AIG1: variants seen among roughly 807,000 people sequenced by gnomAD.
AIG1 encodes androgen induced 1, also known as androgen-induced gene 1 protein.
In AIG1, 23 loss-of-function variants were observed where a neutral mutation model predicts 31.4. The ratio of observed to expected loss-of-function variants is 0.73; its 90% confidence interval spans 0.53 to 1.04. The LOEUF (loss-of-function observed/expected upper bound fraction) is 1.04, where lower values mean the gene tolerates loss of function less well. Ranked by LOEUF, AIG1 falls within the 50% of genes least tolerant of loss-of-function variation. The pLI, the probability that AIG1 is intolerant of heterozygous loss-of-function variation, is 0.00. For synonymous variants in AIG1, 100 were observed against 110.5 expected, an observed-to-expected ratio of 0.90 and a Z score of 0.60; for missense variants, 274 against 295.0, an observed-to-expected ratio of 0.93 and a Z score of 0.52.
At position 143,339,905 on chromosome 6, in the gene AIG1, T is replaced by C. The variant is rs1201195502; in HGVS notation, c.*229T>C. ...AAAGAATTCTTCCCAAAGTCATTAC[T>C]GATAATAACATTTTTTCCTTTTCTA... is the stretch of plus-strand genomic sequence containing the variant. On this transcript the variant is annotated 3_prime_UTR_variant, in exon 6 of 6. Coordinates refer to ENST00000357847, the MANE Select transcript of AIG1 (RefSeq NM_016108.4). 2.5e-5 allele frequency: 9 copies of C among 366,522 alleles called. No individual in the cohort carries two copies. The highest frequency in any genetic ancestry group is 4.3e-5 in the Non-Finnish European group (9 of 208,144). 22.7% of individuals were successfully genotyped at this position (366,522 alleles called of 1,614,324 possible). A position where few individuals can be genotyped will look rare whatever the true frequency, so the allele number is the denominator to read the frequency against.
intron 3 of AIG1, among the ~76,000 whole-genome samples, chr6:143,237,837 C>T (rs573025695): frequency 3.3e-5 from 5 of 152,280 alleles, no homozygotes; most frequent in Non-Finnish European, 7.4e-5. Context: ...AGCTTGAAAA[C>T]GTAGAAGTCT....
chr6:143,315,880 G>C (rs1463569382), intron 4 of AIG1, among the ~76,000 whole-genome samples: 1 of 151,906 alleles, frequency 6.6e-6, no homozygotes, highest in African/African-American at 2.4e-5. Flanking sequence ...CTCAAAATAT[G>C]ATAAAACTAA....
chr6:143,060,332 C>A (rs117041948), upstream of AIG1, among the ~76,000 whole-genome samples: 3,618 of 152,332 alleles, frequency 0.024, 61 homozygotes, highest in Non-Finnish European at 0.034. Flanking sequence ...CTCGGGTTTA[C>A]ACCCCACGTT....
At chr6:143,136,757 C>T (rs1402160510) in intron 1 of AIG1, 78 bp from the exon 2 acceptor site, 2 of 1,226,672 alleles carry the variant, frequency 1.6e-6, no homozygotes, top group Non-Finnish European at 2.1e-6. Context: ...TCATGTTGTA[C>T]ACCAGCAGCT....
chr6:143,282,657 C>T (rs1271159422), intron 3 of AIG1, among the ~76,000 whole-genome samples: 1 of 152,192 alleles, frequency 6.6e-6, no homozygotes, highest in African/African-American at 2.4e-5. Flanking sequence ...CAGAATGCCA[C>T]ACTCTAATTA....
intron 3 of AIG1, chr6:143,186,944 T>A (rs1327624299): frequency 5.5e-6 from 1 of 180,694 alleles, no homozygotes; most frequent in Middle Eastern, 2.5e-3. Context: ...ATACCGTGCC[T>A]GCCACACAGT....
At chr6:143,221,020 A>G (rs968337520) in intron 3 of AIG1, among the ~76,000 whole-genome samples, 1 of 151,694 alleles carries the variant, frequency 6.6e-6, no homozygotes, top group Non-Finnish European at 1.5e-5. Flanking sequence ...TTGTTGTTTA[A>G]CCGATTTGCA....
intron 3 of AIG1, among the ~76,000 whole-genome samples, chr6:143,201,854 C>A (rs149346924): frequency 1.6e-3 from 247 of 152,278 alleles, no homozygotes; most frequent in African/African-American, 3.5e-3. Flanking sequence ...CTAGTTCCAC[C>A]TCAGGAACTA....
At chr6:143,168,485 C>G (rs1000285940) in intron 3 of AIG1, among the ~76,000 whole-genome samples, 1 of 150,452 alleles carries the variant, frequency 6.6e-6, no homozygotes, top group Admixed American at 6.7e-5. Context: ...TCAATTCCCA[C>G]CTATGAGTGA....
chr6:143,188,001 A>G (rs1789426023), intron 3 of AIG1: 2 of 1,142,398 alleles, frequency 1.8e-6, no homozygotes, highest in Admixed American at 4.5e-5. Context: ...GGTAATGGAG[A>G]ACTTTGGCAT....
intron 1 of AIG1, among the ~76,000 whole-genome samples, chr6:143,126,660 A>G (rs1782709872): frequency 6.6e-6 from 1 of 152,140 alleles, no homozygotes; most frequent in South Asian, 2.1e-4. Flanking sequence ...TCCAGCAAGA[A>G]CTGCATTGAA....
chr6:143,154,380 A>C (rs977210720), intron 2 of AIG1, among the ~76,000 whole-genome samples: 1 of 152,202 alleles, frequency 6.6e-6, no homozygotes, highest in Admixed American at 6.5e-5. Flanking sequence ...TAATAGTCTC[A>C]AAATGATGAA....
chr6:143,118,707 C>T (rs1781962797), intron 1 of AIG1, among the ~76,000 whole-genome samples: 1 of 152,080 alleles, frequency 6.6e-6, no homozygotes, highest in Admixed American at 6.5e-5. Context: ...AAAGACTTAT[C>T]ATTTATGTTG....
rs1037124504 is a variant in AIG1, at chr6:143,328,003, C to T, written c.516-5279C>T. On this transcript the variant is annotated intron_variant, in intron 4 of 5. Coordinates refer to ENST00000357847, the MANE Select transcript of AIG1 (RefSeq NM_016108.4). The surrounding 1 kb of genome is among the most constrained non-coding windows in gnomAD (Gnocchi z 4.0). ...CTGTGTATAAGTAGTGAACATGATG[C>T]CATAGCCATGAATGAACTCATCAAC... 6.6e-6 allele frequency among the ~76,000 whole-genome samples: 1 copy of T among 152,064 alleles called. No homozygotes were observed. Among genetic ancestry groups the T allele is most frequent in the Non-Finnish European group, 1.5e-5 (1 of 68,010 alleles).
Position 143,298,624 on chromosome 6 carries a change from C to A in AIG1, c.515+14399C>A, listed in dbSNP as rs1026126996. On this transcript the variant is annotated intron_variant, in intron 4 of 5. Transcript: ENST00000357847. This position sits in a 1 kb window ranked among gnomAD's most constrained non-coding sequence, Gnocchi z 5.1. The stretch of plus-strand genomic sequence containing the variant: ...CCAGGAGTTCAAAACCCAGCCTGGA[C>A]AACATAGCAAGCTAATAGTCCCAGC... 9 of 152,236 alleles carry A rather than the reference C, an allele frequency of 5.9e-5. 1 individual carries two copies. Among genetic ancestry groups the A allele is most frequent in the African/African-American group, 1.4e-4 (6 of 41,434 alleles). 9.4% of individuals were successfully genotyped at this position (152,236 alleles called of 1,614,324 possible).
downstream of AIG1, chr6:143,342,674 A>G (rs1384830214): frequency 3.3e-6 from 4 of 1,222,010 alleles, no homozygotes; most frequent in African/African-American, 1.5e-5. Flanking sequence ...GTTGGATAGC[A>G]TAAGACCACA....
intron 1 of AIG1, among the ~76,000 whole-genome samples, chr6:143,125,741 T>C (rs543763515): frequency 1.3e-5 from 2 of 152,362 alleles, no homozygotes; most frequent in South Asian, 4.1e-4. Context: ...GTTGTTGTTC[T>C]TGCTACTTAT....
At chr6:143,140,665 A>G (rs1359213823) in intron 2 of AIG1, among the ~76,000 whole-genome samples, 2 of 152,262 alleles carry the variant, frequency 1.3e-5, no homozygotes, top group African/African-American at 4.8e-5. Context: ...GGTTCATTAC[A>G]TCAGAAGGAT....
chr6:143,079,020 G>A (rs1280746858), intron 1 of AIG1, among the ~76,000 whole-genome samples: 1 of 152,020 alleles, frequency 6.6e-6, no homozygotes, highest in East Asian at 1.9e-4. Flanking sequence ...CAAAATTTTA[G>A]CCTCTTATGA....
Sources: gnomAD v4.1 joint callset for allele counts (sites outside exome capture counted in the v4.1 genomes callset) on GRCh38, gnomAD v4.1.1 for gene constraint, Gnocchi (gnomAD v3.1) non-coding constraint, MANE v1.5 for transcripts, NCBI Gene and HGNC (gene_info 2026-07-23, HGNC 2026-07-21) for gene names.